Variants in MAML2 observed in about 807,000 individuals in gnomAD.
MAML2 encodes the protein mastermind like transcriptional coactivator 2, also known as mastermind-like protein 2.
A neutral mutation model predicts 96.1 loss-of-function variants in MAML2; 22 were observed. The ratio of observed to expected loss-of-function variants is 0.23; its 90% CI spans 0.16 to 0.33. The LOEUF is 0.33. MAML2 is among the 10% of genes least tolerant of loss of function. The pLI, the probability that MAML2 is intolerant of heterozygous loss-of-function variation, is 1.00. For synonymous variants in MAML2, 561 were observed against 521.3 expected (o/e 1.08, Z -1.04); for missense variants, 1,367 against 1,392.4 (o/e 0.98, Z 0.29).
chr11:96,261,239 C>T (rs1325650364), intron 1 of MAML2, among the ~76,000 whole-genome samples: 1 of 152,016 alleles, frequency 6.6e-6, no homozygotes, highest in African/African-American at 2.4e-5. Flanking sequence ...AGCACATTAG[C>T]ACGCTCAGCC....
In MAML2 at chr11:96,240,503, A is replaced by G. The variant is rs186486224; in HGVS notation, c.513+100880T>C. ...GAGGCAGAGCTTGCAGTGAGCCGAG[A>G]TTGCGCCACTGCAGTCCGCAGTCCG... On this transcript the variant is annotated intron_variant, in intron 1 of 4. Transcript: ENST00000524717. Among the ~76,000 whole-genome samples, 361 of 130,486 alleles carry G rather than the reference A, an allele frequency of 2.8e-3. 2 individuals are homozygous for G. The highest frequency in any genetic ancestry group is 9.4e-3 in the African/African-American group (336 of 35,614). 85.6% of individuals were successfully genotyped at this position (130,486 alleles called of 152,430 possible).
intron 2 of MAML2, among the ~76,000 whole-genome samples, chr11:96,053,023 C>T (rs1337893200): frequency 1.3e-5 from 2 of 152,242 alleles, no homozygotes; most frequent in African/African-American, 4.8e-5. Flanking sequence ...GAACTCCATT[C>T]AGCACTCCAC....
At chr11:96,212,382 A>G (rs1195236734) in intron 1 of MAML2, among the ~76,000 whole-genome samples, 2 of 152,058 alleles carry the variant, frequency 1.3e-5, no homozygotes, top group Non-Finnish European at 2.9e-5. Context: ...ATCCTAAAGA[A>G]TGTAACACAT....
At chr11:96,077,688 A>C (rs1859464570) in intron 2 of MAML2, among the ~76,000 whole-genome samples, 1 of 152,212 alleles carries the variant, frequency 6.6e-6, no homozygotes. Context: ...TGCAAAACAC[A>C]GCCTCATCCA....
chr11:96,299,054 A>ATATATATATATATAT (rs1484860694), intron 1 of MAML2, among the ~76,000 whole-genome samples: 33 of 36,162 alleles, frequency 9.1e-4, no homozygotes, highest in South Asian at 2.3e-3. Flanking sequence ...CAAAAAAAAA[A>ATATATATATATATAT]AAAAAAATAT....
chr11:95,979,299 G>A lies in MAML2; in HGVS notation c.3120C>T (p.Thr1040=), dbSNP rs771195027. The part of the protein sequence containing the change: ...NQMSQTLNGQ[T]MGPLRGLNLR... Reference sequence around the variant, plus strand: ...GATTCAGACCCCTGAGGGGACCCATGGTTTGCCCATTTAGTGTTTGGCTCA... The same window carrying A: ...GATTCAGACCCCTGAGGGGACCCATAGTTTGCCCATTTAGTGTTTGGCTCA... Residue 1040 remains threonine, a synonymous_variant, in exon 5 of 5, where the codon ACC becomes ACT. Transcript: ENST00000524717. 6.2e-7 allele frequency: 1 copy of A among 1,613,914 alleles called. No homozygotes were observed. The highest frequency in any genetic ancestry group is 1.1e-5 in the South Asian group (1 of 91,074).
At chr11:96,275,309 G>T (rs1231957382) in intron 1 of MAML2, among the ~76,000 whole-genome samples, 4 of 117,880 alleles carry the variant, frequency 3.4e-5, no homozygotes, top group Non-Finnish European at 4.8e-5. Flanking sequence ...ACAGAGTCTC[G>T]CTCTGTCACC....
At chr11:96,142,470 T>TA (rs1164011731) in intron 1 of MAML2, among the ~76,000 whole-genome samples, 1 of 152,092 alleles carries the variant, frequency 6.6e-6, no homozygotes, top group Non-Finnish European at 1.5e-5. Context: ...ATTGAGAAAA[T>TA]ACCATGGTAA....
chr11:96,121,620 T>G (rs1367455590), intron 1 of MAML2, among the ~76,000 whole-genome samples: 3 of 151,750 alleles, frequency 2.0e-5, no homozygotes, highest in Non-Finnish European at 4.4e-5. Context: ...TAATATAAAA[T>G]TGTTCTGATT....
At chr11:95,981,107 ACT>A (rs571313959) in intron 4 of MAML2, among the ~76,000 whole-genome samples, 118 of 152,162 alleles carry the variant, frequency 7.8e-4, no homozygotes, top group African/African-American at 2.7e-3. Flanking sequence ...TGCTAGCAGG[ACT>A]CTCTCTCACT....
intron 1 of MAML2, among the ~76,000 whole-genome samples, chr11:96,267,248 T>G (rs984451308): frequency 1.3e-5 from 2 of 152,136 alleles, no homozygotes; most frequent in African/African-American, 2.4e-5. Flanking sequence ...AAATAAGCCC[T>G]AAGACAATCA....
At chr11:96,002,541 G>A (rs111929457) in intron 2 of MAML2, among the ~76,000 whole-genome samples, 1 of 122,202 alleles carries the variant, frequency 8.2e-6, no homozygotes, top group African/African-American at 4.2e-5. Context: ...TGATGAAGAT[G>A]ATGATGGGGA....
intron 1 of MAML2, among the ~76,000 whole-genome samples, chr11:96,289,411 G>A (rs982015597): frequency 1.3e-5 from 2 of 152,164 alleles, no homozygotes; most frequent in Non-Finnish European, 2.9e-5. Flanking sequence ...ATCTTCGTAG[G>A]CACTTCATAA....
chr11:96,314,284 T>G (rs1863597229), intron 1 of MAML2, among the ~76,000 whole-genome samples: 1 of 152,260 alleles, frequency 6.6e-6, no homozygotes, highest in Non-Finnish European at 1.5e-5. Flanking sequence ...GCCAGCCAGC[T>G]GCTGTTTATA....
intron 2 of MAML2, among the ~76,000 whole-genome samples, chr11:96,002,240 T>G (rs1017662345): frequency 3.9e-5 from 6 of 152,184 alleles, no homozygotes. Flanking sequence ...CCATAGATGT[T>G]TTCTGAATTA....
intron 2 of MAML2, among the ~76,000 whole-genome samples, chr11:96,044,071 T>G (rs949720697): frequency 1.3e-5 from 2 of 152,182 alleles, no homozygotes; most frequent in Non-Finnish European, 2.9e-5. Context: ...ACACCTTGTA[T>G]GAAGGTTACA....
At position 95,978,643 on chromosome 11, in the gene MAML2, C is replaced by T. The variant is rs1857684294; in HGVS notation, c.*305G>A. 1 of 300,786 alleles carries T rather than the reference C, an allele frequency of 3.3e-6. No homozygotes were observed. The highest frequency in any genetic ancestry group is 2.1e-5 in the African/African-American group (1 of 46,738). The allele number at this position is 300,786 out of a possible 1,614,324, so 18.6% of individuals were successfully genotyped here. A position where few individuals can be genotyped will look rare whatever the true frequency, so the allele number is the denominator to read the frequency against. On this transcript the variant is annotated 3_prime_UTR_variant, in exon 5 of 5. Coordinates refer to ENST00000524717, the MANE Select transcript of MAML2 (RefSeq NM_032427.4). ...TTTTTATTTTCCAGGGAAAAAGAAA[C>T]TTGGGAAGGCTATTTTACACAATTA...
chr11:96,030,561 T>A (rs917006715), intron 2 of MAML2, among the ~76,000 whole-genome samples: 1 of 152,236 alleles, frequency 6.6e-6, no homozygotes, highest in Non-Finnish European at 1.5e-5. Flanking sequence ...AACAATTACA[T>A]CTTTACACCA....
chr11:96,319,287 G>A (rs1226812828), intron 1 of MAML2, among the ~76,000 whole-genome samples: 1 of 152,194 alleles, frequency 6.6e-6, no homozygotes, highest in Non-Finnish European at 1.5e-5. Flanking sequence ...CCAACCAGTA[G>A]TTGGAATGCC....
Sources: allele counts gnomAD v4.1 joint callset (sites outside exome capture counted in the v4.1 genomes callset), GRCh38; gene constraint gnomAD v4.1.1; transcripts MANE v1.5; gene names NCBI Gene and HGNC (gene_info 2026-07-23, HGNC 2026-07-21).